The following CLSTN1 variants were observed in gnomAD, a reference collection of about 807,000 sequenced individuals.
CLSTN1 encodes the protein calsyntenin-1.
In CLSTN1, 28 loss-of-function variants were observed where a neutral mutation model predicts 108.3. The ratio of observed to expected loss-of-function variants is 0.26; its 90% CI spans 0.19 to 0.35. CLSTN1 has a LOEUF of 0.35. Among genes scored for constraint, CLSTN1 ranks in the 10% least tolerant of loss-of-function variants. CLSTN1 has a pLI of 1.00. For synonymous variants in CLSTN1, 524 were observed against 534.9 expected, an observed-to-expected ratio of 0.98 and a Z score of 0.28; for missense variants, 1,157 against 1,302.6, an observed-to-expected ratio of 0.89 and a Z score of 1.72.
chr1:9,762,656 G>A (rs1430613282), intron 2 of CLSTN1, among the ~76,000 whole-genome samples: 1 of 129,344 alleles, frequency 7.7e-6, no homozygotes, highest in East Asian at 2.2e-4. Context: ...CTGACGTTGG[G>A]TGACCTCTGG....
chr1:9,796,805 C>T (rs1654030020), intron 1 of CLSTN1, among the ~76,000 whole-genome samples: 1 of 152,176 alleles, frequency 6.6e-6, no homozygotes, highest in African/African-American at 2.4e-5. Context: ...CTTTCAAAGG[C>T]ATCATACTTG....
chr1:9,751,902 G>C (rs1651576751), intron 4 of CLSTN1, among the ~76,000 whole-genome samples: 2 of 151,916 alleles, frequency 1.3e-5, no homozygotes, highest in South Asian at 4.1e-4. Flanking sequence ...AGAGGGATTT[G>C]GGTCGATTCT....
At chr1:9,784,085 T>C (rs983344783) in intron 1 of CLSTN1, among the ~76,000 whole-genome samples, 8 of 148,962 alleles carry the variant, frequency 5.4e-5, no homozygotes, top group Admixed American at 1.3e-4. Flanking sequence ...GGCAGGAGAA[T>C]TGCCTGAACC....
intron 1 of CLSTN1, among the ~76,000 whole-genome samples, chr1:9,809,667 C>G (rs1185485302): frequency 1.3e-5 from 2 of 151,872 alleles, no homozygotes; most frequent in Non-Finnish European, 2.9e-5. Flanking sequence ...TTTTCGGAGG[C>G]CTGGGCAGGT....
At chr1:9,792,192 AAACAAC>A (rs539933669) in intron 1 of CLSTN1, among the ~76,000 whole-genome samples, 2 of 150,994 alleles carry the variant, frequency 1.3e-5, no homozygotes, top group African/African-American at 4.8e-5. Context: ...TCAAGGGGAA[AAACAAC>A]AACAACAACA....
At chr1:9,810,274 G>C (rs768067876) in intron 1 of CLSTN1, among the ~76,000 whole-genome samples, 1 of 151,504 alleles carries the variant, frequency 6.6e-6, no homozygotes, top group African/African-American at 2.4e-5. Flanking sequence ...TCAGGAGTAC[G>C]AGACCAGGCT....
chr1:9,738,569 G>A (rs1320187713), intron 10 of CLSTN1, among the ~76,000 whole-genome samples: 3 of 152,204 alleles, frequency 2.0e-5, no homozygotes, highest in South Asian at 2.1e-4. Flanking sequence ...CACGGCCAAC[G>A]TGTAGCAAAA....
intron 1 of CLSTN1, among the ~76,000 whole-genome samples, chr1:9,796,967 G>C (rs1011672597): frequency 6.6e-6 from 1 of 152,176 alleles, no homozygotes; most frequent in Admixed American, 6.6e-5. Flanking sequence ...TAAATGCAGA[G>C]ACTCACACTA....
At position 9,786,664 on chromosome 1, in the gene CLSTN1, A is replaced by AAC. The variant is rs1191825779; in HGVS notation, c.92-13271_92-13270insGT. ...ACTCCGTCTCAAAAAAAAAAAAAAA[A>AAC]AAAAAAAAACAAAGGTGAGAGCTGT... is the stretch of plus-strand genomic sequence containing the variant. On this transcript the variant is annotated intron_variant, in intron 1 of 18. Transcript: ENST00000377298. Among the ~76,000 whole-genome samples, 87 of 150,302 alleles carry AAC rather than the reference A, an allele frequency of 5.8e-4. 1 individual carries two copies. The highest frequency in any genetic ancestry group is 2.0e-3 in the African/African-American group (81 of 41,228).
At chr1:9,739,760 T>C (rs1037938882) in intron 10 of CLSTN1, among the ~76,000 whole-genome samples, 2 of 151,996 alleles carry the variant, frequency 1.3e-5, no homozygotes, top group African/African-American at 2.4e-5. Flanking sequence ...AGGTTTTTCT[T>C]TTTCTTTTGA....
chr1:9,796,500 C>A (rs1217981423), intron 1 of CLSTN1, among the ~76,000 whole-genome samples: 1 of 149,266 alleles, frequency 6.7e-6, no homozygotes, highest in African/African-American at 2.4e-5. Flanking sequence ...CACATGAAAC[C>A]CCGTCTCTAC....
At chr1:9,761,559 A>G (rs1227332706) in intron 2 of CLSTN1, among the ~76,000 whole-genome samples, 1 of 152,148 alleles carries the variant, frequency 6.6e-6, no homozygotes, top group Non-Finnish European at 1.5e-5. Flanking sequence ...AAAATATGAA[A>G]AATGGATGAA....
At chr1:9,804,619 C>T (rs1036973477) in intron 1 of CLSTN1, among the ~76,000 whole-genome samples, 17 of 152,104 alleles carry the variant, frequency 1.1e-4, no homozygotes, top group African/African-American at 3.9e-4. Flanking sequence ...CCAAGGTGGG[C>T]GGATCACTTG....
At chr1:9,736,136 C>T in intron 11 of CLSTN1, 94 bp from the exon 12 acceptor site, 1 of 1,478,144 alleles carries the variant, frequency 6.8e-7, no homozygotes, top group Non-Finnish European at 9.4e-7. Context: ...GTGCTGGCAG[C>T]TCAGTGGATG....
chr1:9,753,156 C>G (rs1450314057), intron 4 of CLSTN1, among the ~76,000 whole-genome samples: 2 of 152,190 alleles, frequency 1.3e-5, no homozygotes, highest in Non-Finnish European at 2.9e-5. Context: ...GCAGTCGATT[C>G]TCATAAGGAG....
At chr1:9,746,647 G>A (rs1367810420) in intron 7 of CLSTN1, among the ~76,000 whole-genome samples, 3 of 151,918 alleles carry the variant, frequency 2.0e-5, no homozygotes, top group East Asian at 1.9e-4. Context: ...ACAGGAAGTG[G>A]AGGCTGCAGT....
intron 1 of CLSTN1, among the ~76,000 whole-genome samples, chr1:9,799,086 T>A (rs1427249720): frequency 2.0e-5 from 3 of 151,718 alleles, no homozygotes; most frequent in Non-Finnish European, 4.4e-5. Context: ...GGAGCAGAGA[T>A]GGGAGGACCA....
chr1:9,791,940 G>A (rs1653788838), intron 1 of CLSTN1, among the ~76,000 whole-genome samples: 1 of 151,162 alleles, frequency 6.6e-6, no homozygotes, highest in Non-Finnish European at 1.5e-5. Flanking sequence ...CCTGAGGTCA[G>A]GAGTTCCAGA....
intron 1 of CLSTN1, among the ~76,000 whole-genome samples, chr1:9,781,958 A>AT (rs1179771866): frequency 6.6e-6 from 1 of 152,176 alleles, no homozygotes; most frequent in Non-Finnish European, 1.5e-5. Context: ...TTTATGCATT[A>AT]TAACTGTGGA....
Sources: gnomAD v4.1 joint callset for allele counts (sites outside exome capture counted in the v4.1 genomes callset) on GRCh38, gnomAD v4.1.1 for gene constraint, MANE v1.5 for transcripts, NCBI Gene and HGNC (gene_info 2026-07-23, HGNC 2026-07-21) for gene names.